Variants in IFT140 observed in about 807,000 individuals in gnomAD.
IFT140 encodes the protein intraflagellar transport protein 140 homolog.
A neutral mutation model predicts 164.6 loss-of-function variants in IFT140; 133 were observed. The observed-to-expected ratio is 0.81, with a 90% confidence interval of 0.70 to 0.93. The LOEUF is 0.93. Among genes scored for constraint, IFT140 ranks in the 40% least tolerant of loss-of-function variants. The pLI, the probability that IFT140 is intolerant of heterozygous loss-of-function variation, is 0.00. For missense variants in IFT140, 2,045 were observed against 1,972.3 expected, an observed-to-expected ratio of 1.04 and a Z score of -0.70; for synonymous variants, 860 against 817.3, an observed-to-expected ratio of 1.05 and a Z score of -0.89.
intron 3 of IFT140, among the ~76,000 whole-genome samples, chr16:1,604,676 A>C (rs1264580096): frequency 1.1e-4 from 17 of 152,120 alleles, no homozygotes; most frequent in Non-Finnish European, 2.2e-4. Flanking sequence ...CACAGCTGCC[A>C]CAGTAGGAAG....
chr16:1,571,992 C>T (rs779537650), intron 13 of IFT140, among the ~76,000 whole-genome samples: 5 of 152,126 alleles, frequency 3.3e-5, no homozygotes, highest in Admixed American at 6.5e-5. Context: ...ATACTTGTTA[C>T]GTTGTGTCAC....
intron 7 of IFT140, among the ~76,000 whole-genome samples, chr16:1,588,706 G>A (rs1331376922): frequency 6.6e-6 from 1 of 152,002 alleles, no homozygotes; most frequent in Non-Finnish European, 1.5e-5. Flanking sequence ...CCTGGCCAGG[G>A]CCCACCGGCC....
At chr16:1,550,966 T>G (rs935239270) in intron 19 of IFT140, among the ~76,000 whole-genome samples, 1 of 152,044 alleles carries the variant, frequency 6.6e-6, no homozygotes, top group Non-Finnish European at 1.5e-5. Context: ...GTGCTGCCCC[T>G]CCGTGAGCAT....
chr16:1,539,245 C>T (rs1261753502), intron 19 of IFT140, among the ~76,000 whole-genome samples: 1 of 149,698 alleles, frequency 6.7e-6, no homozygotes, highest in African/African-American at 2.5e-5. Flanking sequence ...CTCACCAAGC[C>T]ACACGGTGCC....
intron 19 of IFT140, among the ~76,000 whole-genome samples, chr16:1,555,737 A>G (rs2033036595): frequency 1.3e-5 from 2 of 152,186 alleles, no homozygotes. Context: ...ACCAAGTCTC[A>G]GAAGCCCAAG....
Position 1,589,655 on chromosome 16 carries a change from G to C in IFT140, c.760C>G (p.Leu254Val). ...ALVVVTENLR[L>V]SLYTVPPEGK... The stretch of plus-strand genomic sequence containing the variant: ...TCAGGAGGCACCGTGTACAGGGACA[G>C]CCGGAGGTTCTCTGTGACCACCACC... The change falls in exon 7 of 31, where the codon CTG becomes GTG. Residue 254 changes from leucine (L) to valine (V), a missense_variant. Leu to Val is a conservative substitution (Grantham distance 32). Transcript: ENST00000426508. The C allele has an allele frequency of 6.2e-7, 1 of 1,614,172 alleles. No individual in the cohort carries two copies. The highest frequency in any genetic ancestry group is 8.5e-7 in the Non-Finnish European group (1 of 1,180,032).
intron 7 of IFT140, among the ~76,000 whole-genome samples, chr16:1,588,248 G>A (rs1049116301): frequency 2.6e-5 from 4 of 152,152 alleles, no homozygotes; most frequent in East Asian, 1.9e-4. Context: ...CTACTGGGCC[G>A]GCCGCAGTGG....
chr16:1,553,493 C>G lies in IFT140; in HGVS notation c.2399+4442G>C. The G allele has an allele frequency of 5.1e-6, 5 of 985,474 alleles. No individual in the cohort carries two copies. The highest frequency in any genetic ancestry group is 6.0e-6 in the Non-Finnish European group (5 of 829,942). 61.0% of individuals were successfully genotyped at this position (985,474 alleles called of 1,614,324 possible). A position where few individuals can be genotyped will look rare whatever the true frequency, so the allele number is the denominator to read the frequency against. On this transcript the variant is annotated intron_variant, in intron 19 of 30. Transcript: ENST00000426508. The surrounding 1 kb of genome is among the most constrained non-coding windows in gnomAD (Gnocchi z 4.4). ...GCCAGGCGGAGGGACAGCAGTGGGG[C>G]TCGGCGTGGCCGGAGCCTGGGGAGG...
intron 19 of IFT140, among the ~76,000 whole-genome samples, chr16:1,543,410 T>C (rs2031842424): frequency 6.6e-6 from 1 of 152,200 alleles, no homozygotes; most frequent in Non-Finnish European, 1.5e-5. Context: ...CCGGGCTCTC[T>C]GAGCGCTATT....
At chr16:1,534,857 T>C (rs1306907573) in intron 19 of IFT140, among the ~76,000 whole-genome samples, 1 of 152,208 alleles carries the variant, frequency 6.6e-6, no homozygotes, top group East Asian at 1.9e-4. Flanking sequence ...TTACACATAG[T>C]TAAGAGATGG....
At chr16:1,541,955 G>T in intron 19 of IFT140, 2 of 1,608,922 alleles carry the variant, frequency 1.2e-6, no homozygotes, top group Non-Finnish European at 1.7e-6. Flanking sequence ...GCAACCTGGT[G>T]GCCACGGCCG....
At position 1,553,189 on chromosome 16, in the gene IFT140, C is replaced by G; in HGVS notation, c.2399+4746G>C. The G allele has an allele frequency of 1.0e-6, 1 of 984,448 alleles. No homozygotes were observed. Among genetic ancestry groups the G allele is most frequent in the Non-Finnish European group, 1.2e-6 (1 of 829,198 alleles). 61.0% of individuals were successfully genotyped at this position (984,448 alleles called of 1,614,324 possible). A position where few individuals can be genotyped will look rare whatever the true frequency, so the allele number is the denominator to read the frequency against. On this transcript the variant is annotated intron_variant, in intron 19 of 30. Coordinates refer to ENST00000426508, the MANE Select transcript of IFT140 (RefSeq NM_014714.4). This position sits in a 1 kb window ranked among gnomAD's most constrained non-coding sequence, Gnocchi z 4.4. ...ACCCATCTCTTGCTCTCTGTCTCTC[C>G]TTCCCTGTGTCTCTGTCTCTGTCTC...
At chr16:1,555,101 C>G (rs909797326) in intron 19 of IFT140, 46 of 1,521,458 alleles carry the variant, frequency 3.0e-5, no homozygotes, top group Non-Finnish European at 4.0e-5. Flanking sequence ...ACTCCACCAC[C>G]AAGTCACTTC....
At chr16:1,543,958 A>C (rs550358533) in intron 19 of IFT140, among the ~76,000 whole-genome samples, 1 of 152,346 alleles carries the variant, frequency 6.6e-6, no homozygotes, top group South Asian at 2.1e-4. Flanking sequence ...AAGCAAAAGC[A>C]ATAGTTTTTG....
chr16:1,573,628 C>T (rs2034130643), intron 13 of IFT140, among the ~76,000 whole-genome samples: 1 of 152,152 alleles, frequency 6.6e-6, no homozygotes, highest in South Asian at 2.1e-4. Flanking sequence ...CTAGAAAACT[C>T]AGAACATCCT....
At chr16:1,535,488 T>G (rs1360811411) in intron 19 of IFT140, among the ~76,000 whole-genome samples, 1 of 152,208 alleles carries the variant, frequency 6.6e-6, no homozygotes, top group Non-Finnish European at 1.5e-5. Flanking sequence ...GACTCGGGGT[T>G]GGACGCTCCT....
chr16:1,534,524 C>A, intron 19 of IFT140: 1 of 1,606,428 alleles, frequency 6.2e-7, no homozygotes, highest in African/African-American at 1.3e-5. Flanking sequence ...CCGAGGCAGC[C>A]GGCTTCCAGG....
Position 1,553,294 on chromosome 16 carries a change from GTC to G in IFT140, c.2399+4639_2399+4640del, listed in dbSNP as rs1244777419. On this transcript the variant is annotated intron_variant, in intron 19 of 30. Coordinates refer to ENST00000426508, the MANE Select transcript of IFT140 (RefSeq NM_014714.4). The surrounding 1 kb of genome is among the most constrained non-coding windows in gnomAD (Gnocchi z 4.4). ...TCTCTGTCTCTCTGTGTCTCTGCCT[GTC>G]TCTCTGTGTCTCTGTCTCTGTGTCT... 4 of 981,870 alleles carry G rather than the reference GTC, an allele frequency of 4.1e-6. No individual in the cohort carries two copies. Among genetic ancestry groups the G allele is most frequent in the African/African-American group, 1.8e-5 (1 of 57,042 alleles). 60.8% of individuals were successfully genotyped at this position (981,870 alleles called of 1,614,324 possible).
At chr16:1,519,608 C>T (rs2040459679) in intron 29 of IFT140, among the ~76,000 whole-genome samples, 2 of 152,154 alleles carry the variant, frequency 1.3e-5, no homozygotes. Context: ...TCCCCAGACA[C>T]ACCCTCTCCT....
Sources: allele counts gnomAD v4.1 joint callset (sites outside exome capture counted in the v4.1 genomes callset), GRCh38; gene constraint gnomAD v4.1.1; non-coding constraint Gnocchi (gnomAD v3.1); transcripts MANE v1.5; gene names NCBI Gene and HGNC (gene_info 2026-07-23, HGNC 2026-07-21).